FILIP1L: variants seen among roughly 807,000 people sequenced by gnomAD.
FILIP1L encodes the protein filamin A interacting protein 1 like, also known as filamin A-interacting protein 1-like.
FILIP1L carries 55 observed loss-of-function variants against 96.6 expected under a neutral mutation model. The ratio of observed to expected loss-of-function variants is 0.57; its 90% CI spans 0.46 to 0.71. FILIP1L has a LOEUF of 0.71. Ranked by LOEUF, FILIP1L falls within the 30% of genes least tolerant of loss-of-function variation. The pLI is 0.00. For missense variants in FILIP1L, 1,304 were observed against 1,321.2 expected (o/e 0.99, Z 0.20); for synonymous variants, 467 against 473.9 (o/e 0.99, Z 0.19).
At chr3:100,029,197 GATTT>G (rs1480857541) in intron 1 of FILIP1L, among the ~76,000 whole-genome samples, 2 of 151,414 alleles carry the variant, frequency 1.3e-5, no homozygotes, top group African/African-American at 4.8e-5. Context: ...AAATTTTTCA[GATTT>G]ATTTGTCTAA....
chr3:99,942,661 G>A (rs1467692081), intron 1 of FILIP1L, among the ~76,000 whole-genome samples: 8 of 151,892 alleles, frequency 5.3e-5, no homozygotes, highest in African/African-American at 9.7e-5. Context: ...GTGAAACCCC[G>A]TCTCTACTAA....
At chr3:99,912,154 T>G in intron 4 of FILIP1L, among the ~76,000 whole-genome samples, 1 of 152,214 alleles carries the variant, frequency 6.6e-6, no homozygotes, top group East Asian at 1.9e-4. Context: ...TTGGTTTTAT[T>G]CAGCCATAAA....
chr3:99,982,160 C>T (rs745843284), intron 1 of FILIP1L, among the ~76,000 whole-genome samples: 4 of 151,730 alleles, frequency 2.6e-5, no homozygotes, highest in East Asian at 1.9e-4. Context: ...CTATATATTT[C>T]GGTATATGTA....
chr3:99,908,478 A>G (rs1302597091), intron 4 of FILIP1L, among the ~76,000 whole-genome samples: 3 of 152,256 alleles, frequency 2.0e-5, no homozygotes, highest in South Asian at 4.2e-4. Context: ...AGGAATCTAT[A>G]CTTTTAAGTG....
At chr3:99,928,899 G>A (rs534302743) in intron 3 of FILIP1L, among the ~76,000 whole-genome samples, 27 of 152,256 alleles carry the variant, frequency 1.8e-4, no homozygotes, top group Non-Finnish European at 3.5e-4. Flanking sequence ...TCCTCACCCC[G>A]TAGAGAAGCA....
chr3:100,014,874 C>CTTTTTTTTTTTTT (rs200759774), intron 1 of FILIP1L, among the ~76,000 whole-genome samples: 17 of 28,204 alleles, frequency 6.0e-4, no homozygotes, highest in African/African-American at 1.0e-3. Context: ...TTTTTCTTTT[C>CTTTTTTTTTTTTT]TTTTTTTTTT....
intron 2 of FILIP1L, among the ~76,000 whole-genome samples, chr3:99,930,463 C>T (rs1342815073): frequency 2.6e-5 from 4 of 152,084 alleles, no homozygotes; most frequent in East Asian, 1.9e-4. Context: ...AAACCAATCC[C>T]GAAGTCATCT....
chr3:100,096,519 A>G (rs2066211428), intron 1 of FILIP1L, among the ~76,000 whole-genome samples: 1 of 152,108 alleles, frequency 6.6e-6, no homozygotes, highest in Admixed American at 6.6e-5. Flanking sequence ...ACAAAAAGAC[A>G]AACATCACAT....
At chr3:99,834,203 T>C (rs1314022314) in intron 5 of FILIP1L, among the ~76,000 whole-genome samples, 1 of 152,236 alleles carries the variant, frequency 6.6e-6, no homozygotes, top group African/African-American at 2.4e-5. Context: ...AGTTTTACGC[T>C]TTATACAGGA....
intron 5 of FILIP1L, among the ~76,000 whole-genome samples, chr3:99,844,390 C>T (rs1943269614): frequency 6.6e-6 from 1 of 152,072 alleles, no homozygotes; most frequent in South Asian, 2.1e-4. Flanking sequence ...CCTATCTTTT[C>T]TCTTGGGATT....
intron 1 of FILIP1L, among the ~76,000 whole-genome samples, chr3:100,061,306 G>A (rs568004634): frequency 1.3e-5 from 2 of 152,348 alleles, no homozygotes; most frequent in Non-Finnish European, 2.9e-5. Context: ...CAGATGGGGT[G>A]AGTCCAAGTT....
intron 1 of FILIP1L, among the ~76,000 whole-genome samples, chr3:100,084,113 C>T (rs926013890): frequency 8.5e-5 from 13 of 152,098 alleles, no homozygotes; most frequent in African/African-American, 3.1e-4. Flanking sequence ...AATAAAGCCT[C>T]GGGCCATGAG....
intron 1 of FILIP1L, among the ~76,000 whole-genome samples, chr3:99,932,655 C>G (rs368257188): frequency 2.6e-5 from 4 of 152,076 alleles, no homozygotes; most frequent in African/African-American, 7.2e-5. Context: ...TTTGGGAGGC[C>G]GAGGCAGGCG....
chr3:100,010,094 G>A, intron 1 of FILIP1L: 1 of 761,274 alleles, frequency 1.3e-6, no homozygotes. Flanking sequence ...ACCATACCAA[G>A]TTCTCACTTT....
chr3:99,921,883 G>A (rs968649617), intron 4 of FILIP1L, among the ~76,000 whole-genome samples: 1 of 151,802 alleles, frequency 6.6e-6, no homozygotes, highest in Non-Finnish European at 1.5e-5. Flanking sequence ...CTGATCTTTT[G>A]TTCCCATTTC....
chr3:100,036,301 G>C (rs1464242388), intron 1 of FILIP1L, among the ~76,000 whole-genome samples: 1 of 152,054 alleles, frequency 6.6e-6, no homozygotes, highest in Non-Finnish European at 1.5e-5. Flanking sequence ...CTGACTGCAG[G>C]GCTGTTGGAG....
At chr3:100,095,936 T>G (rs2066198573) in intron 1 of FILIP1L, among the ~76,000 whole-genome samples, 1 of 151,870 alleles carries the variant, frequency 6.6e-6, no homozygotes, top group Admixed American at 6.6e-5. Context: ...AAAAAATGAA[T>G]AATCCAATTT....
chr3:100,003,424 T>C (rs1305679261), intron 1 of FILIP1L, among the ~76,000 whole-genome samples: 2 of 152,232 alleles, frequency 1.3e-5, no homozygotes, highest in Non-Finnish European at 1.5e-5. Context: ...GCACCTAGAA[T>C]AAACCTGTAG....
chr3:100,109,159 T>C (rs1422172109), intron 1 of FILIP1L, among the ~76,000 whole-genome samples: 2 of 151,942 alleles, frequency 1.3e-5, no homozygotes, highest in African/African-American at 2.4e-5. Flanking sequence ...TAAATCAAGG[T>C]GGTTGGACTC....
Sources: gnomAD v4.1 joint callset for allele counts (sites outside exome capture counted in the v4.1 genomes callset) on GRCh38, gnomAD v4.1.1 for gene constraint, MANE v1.5 for transcripts, NCBI Gene and HGNC (gene_info 2026-07-23, HGNC 2026-07-21) for gene names.